MIAT: variants seen among roughly 807,000 people sequenced by gnomAD.
The protein encoded by MIAT is MI related novel mRNA.
chr22:26,652,363 T>C (rs1569217307), intron 2 of MIAT, among the ~76,000 whole-genome samples: 1 of 151,884 alleles, frequency 6.6e-6, no homozygotes, highest in Non-Finnish European at 1.5e-5. Flanking sequence ...TTCATTCATT[T>C]ATTTTTTTTT....
At chr22:26,660,083 G>A (rs1201489150) in intron 2 of MIAT, among the ~76,000 whole-genome samples, 21 of 151,086 alleles carry the variant, frequency 1.4e-4, no homozygotes, top group Admixed American at 3.3e-4. Flanking sequence ...TGATCTGCCC[G>A]CCTCAGCCTC....
chr22:26,658,408 T>A (rs889401423), intron 2 of MIAT: 15 of 152,110 alleles, frequency 9.9e-5, no homozygotes, highest in Non-Finnish European at 4.4e-5. Flanking sequence ...ACCTCCAAGG[T>A]CACACAGCCA....
chr22:26,670,610 A>T (rs1465508332), downstream of MIAT: 2 of 377,128 alleles, frequency 5.3e-6, no homozygotes, highest in East Asian at 3.9e-5. Flanking sequence ...CTTAAAAAAA[A>T]AAAAAAAAAA....
chr22:26,646,830 G>A (rs1429617262), exon 1 of MIAT: 1 of 398,492 alleles, frequency 2.5e-6, no homozygotes, highest in African/African-American at 2.1e-5. Flanking sequence ...GGTGGTGTGG[G>A]AGTCGGCCTC....
At chr22:26,657,736 T>C (rs1044991899) in intron 2 of MIAT, 5 of 398,370 alleles carry the variant, frequency 1.3e-5, no homozygotes, top group Non-Finnish European at 1.8e-5. Context: ...TCCCCAAGGC[T>C]GGGGTCGAGG....
chr22:26,657,605 C>T (rs564045456), intron 2 of MIAT: 124 of 398,712 alleles, frequency 3.1e-4, no homozygotes, highest in African/African-American at 2.1e-3. Context: ...CGCTGTGAGC[C>T]GGGGCACAAA....
chr22:26,663,259 G>T, intron 2 of MIAT: 1 of 398,478 alleles, frequency 2.5e-6, no homozygotes, highest in Non-Finnish European at 4.4e-6. Flanking sequence ...ATTCTCCACT[G>T]TACCCATGGG....
At chr22:26,676,224 A>G (rs962334648) in exon 5 of MIAT, 13 of 396,830 alleles carry the variant, frequency 3.3e-5, no homozygotes, top group African/African-American at 2.7e-4. Flanking sequence ...GTTCCATTCC[A>G]TCAAAGGCCC....
chr22:26,650,052 T>C (rs1453024389), intron 2 of MIAT, among the ~76,000 whole-genome samples: 1 of 152,200 alleles, frequency 6.6e-6, no homozygotes, highest in African/African-American at 2.4e-5. Flanking sequence ...ATGGAGTAAA[T>C]TGTGCTCTCT....
rs139364940 is a variant in MIAT at position 26,658,605 on chromosome 22, TG to T, written n.647-4707del. Among the ~76,000 whole-genome samples, 963 of 152,100 alleles carry T rather than the reference TG, an allele frequency of 6.3e-3. 12 individuals are homozygous for T. The highest frequency in any genetic ancestry group is 0.022 in the African/African-American group (922 of 41,518). ...TTTCCCCTCTTCCAGCGGAGGGCCC[TG>T]GGGTAGAGAAATTGTTTCTGGGATT... On this transcript the variant is annotated intron_variant and non_coding_transcript_variant, in intron 2 of 5. Coordinates refer to ENST00000643270, the Ensembl canonical transcript of MIAT.
chr22:26,665,271 G>GAAAGAAAGAAAGAA (rs1569221724), intron 3 of MIAT, among the ~76,000 whole-genome samples: 1 of 144,766 alleles, frequency 6.9e-6, no homozygotes, highest in Admixed American at 6.7e-5. Flanking sequence ...AAGAAAGAAA[G>GAAAGAAAGAAAGAA]AAAGAAAGAA....
intron 2 of MIAT, among the ~76,000 whole-genome samples, chr22:26,653,853 C>A (rs949694714): frequency 2.0e-5 from 3 of 152,306 alleles, no homozygotes; most frequent in Non-Finnish European, 2.9e-5. Context: ...GATTCTCCTG[C>A]CTCAGCCTCC....
downstream of MIAT, chr22:26,674,013 T>C (rs1439085603): frequency 2.0e-5 from 8 of 398,566 alleles, no homozygotes; most frequent in Non-Finnish European, 2.7e-5. Context: ...AATACCTGTC[T>C]GGTGTCTACA....
intron 2 of MIAT, among the ~76,000 whole-genome samples, chr22:26,655,861 T>G (rs959238817): frequency 5.3e-5 from 8 of 152,134 alleles, no homozygotes; most frequent in African/African-American, 1.9e-4. Flanking sequence ...TTTTTGTATT[T>G]TTTGTGGAAA....
chr22:26,656,473 C>T (rs1038532288), intron 2 of MIAT, among the ~76,000 whole-genome samples: 8 of 151,306 alleles, frequency 5.3e-5, no homozygotes, highest in African/African-American at 1.7e-4. Flanking sequence ...TACAGGCACC[C>T]GCCACCACAC....
downstream of MIAT, chr22:26,671,603 C>G (rs1294616260): frequency 2.5e-6 from 1 of 398,836 alleles, no homozygotes; most frequent in East Asian, 3.6e-5. Context: ...GCCAAGGCTC[C>G]AGAAGGCTCT....
At chr22:26,660,212 C>A (rs1930614842) in intron 2 of MIAT, among the ~76,000 whole-genome samples, 1 of 151,402 alleles carries the variant, frequency 6.6e-6, no homozygotes, top group Non-Finnish European at 1.5e-5. Flanking sequence ...TGGCTCACGC[C>A]TGTAATCCTA....
downstream of MIAT, chr22:26,670,626 A>AAT (rs1931012232): frequency 2.5e-6 from 1 of 392,272 alleles, no homozygotes. Flanking sequence ...AAAAAAAAAA[A>AAT]GCAGGTTCTA....
downstream of MIAT, chr22:26,670,914 C>T (rs999858606): frequency 7.6e-6 from 3 of 396,690 alleles, no homozygotes; most frequent in Admixed American, 4.4e-5. Context: ...ACCGGGTGGG[C>T]GTGGGGGAGT....
Sources: gnomAD v4.1 joint callset for allele counts (sites outside exome capture counted in the v4.1 genomes callset) on GRCh38, gnomAD v4.1.1 for gene constraint, MANE v1.5 for transcripts, NCBI Gene and HGNC (gene_info 2026-07-23, HGNC 2026-07-21) for gene names.